FARS2: variants seen among roughly 807,000 people sequenced by gnomAD.
FARS2 encodes phenylalanyl-tRNA synthetase 2, mitochondrial, also known as phenylalanine--tRNA ligase, mitochondrial.
FARS2 carries 40 observed loss-of-function variants against 46.4 expected under a neutral mutation model. The ratio of observed to expected loss-of-function variants is 0.86; its 90% CI spans 0.67 to 1.12. FARS2 has a LOEUF of 1.12. Ranked by LOEUF, FARS2 falls within the 50% of genes most tolerant of loss-of-function variation. The pLI is 0.00. For missense variants in FARS2, 513 were observed against 567.9 expected (o/e 0.90, Z 0.98); for synonymous variants, 234 against 214.9 (o/e 1.09, Z -0.78).
chr6:5,346,142 G>A (rs1436605295), intron 1 of FARS2, among the ~76,000 whole-genome samples: 1 of 152,200 alleles, frequency 6.6e-6, no homozygotes, highest in East Asian at 1.9e-4. Context: ...CATCCGTAAA[G>A]TCAAGATATT....
chr6:5,316,994 A>C (rs1769565219), intron 1 of FARS2, among the ~76,000 whole-genome samples: 2 of 152,294 alleles, frequency 1.3e-5, no homozygotes, highest in African/African-American at 2.4e-5. Context: ...GGTACAGCCC[A>C]GTACCTAATC....
chr6:5,381,132 C>T (rs1351084220), intron 2 of FARS2, among the ~76,000 whole-genome samples: 1 of 151,784 alleles, frequency 6.6e-6, no homozygotes, highest in African/African-American at 2.4e-5. Context: ...TCCTGAGTAG[C>T]TGGACCTATA....
intron 5 of FARS2, among the ~76,000 whole-genome samples, chr6:5,557,466 T>G (rs1771728444): frequency 6.6e-6 from 1 of 152,162 alleles, no homozygotes; most frequent in African/African-American, 2.4e-5. Context: ...CAGACTTCCC[T>G]CACATCTCAT....
intron 5 of FARS2, among the ~76,000 whole-genome samples, chr6:5,550,377 A>C (rs1219689365): frequency 6.6e-6 from 1 of 152,122 alleles, no homozygotes; most frequent in Admixed American, 6.5e-5. Flanking sequence ...CCAGGCTTAC[A>C]TCTCAGCCTC....
At chr6:5,341,265 A>G (rs1581829017) in intron 1 of FARS2, among the ~76,000 whole-genome samples, 1 of 47,760 alleles carries the variant, frequency 2.1e-5, no homozygotes, top group Non-Finnish European at 4.4e-5. Flanking sequence ...TTTCCCTGTG[A>G]GAGCAGTTGT....
At chr6:5,562,806 CTTT>C (rs1275011133) in intron 5 of FARS2, among the ~76,000 whole-genome samples, 3 of 122,312 alleles carry the variant, frequency 2.5e-5, no homozygotes, top group Non-Finnish European at 1.8e-5. Flanking sequence ...TTTTCTTTTT[CTTT>C]TTTTTTTTTT....
At chr6:5,612,197 A>C (rs1026355665) in intron 5 of FARS2, among the ~76,000 whole-genome samples, 5 of 152,352 alleles carry the variant, frequency 3.3e-5, no homozygotes, top group Middle Eastern at 3.4e-3. Flanking sequence ...TTTATGTTTG[A>C]GCATTTAGTT....
chr6:5,720,635 G>A (rs551442410), intron 6 of FARS2, among the ~76,000 whole-genome samples: 1 of 152,066 alleles, frequency 6.6e-6, no homozygotes, highest in Non-Finnish European at 1.5e-5. Context: ...AATTTAAATA[G>A]CCTCAAGATC....
At position 5,613,267 on chromosome 6, in the gene FARS2, T is replaced by G; in HGVS notation, c.1164T>G (p.Ile388Met). Residue 388 changes from isoleucine (I) to methionine (M), a missense_variant, in exon 6 of 7, where the codon ATT becomes ATG. By Grantham distance (10) the Ile-to-Met change is conservative. Transcript: ENST00000274680. The part of the protein sequence containing the change: ...ENDFYDLVRT[I>M]GGDLVEKVDL... ...ATTTCTATGACTTAGTCCGAACAAT[T>G]GGAGGAGACCTGGTGGAAAAGGTTG... The G allele has an allele frequency of 6.2e-7, 1 of 1,613,672 alleles. No individual in the cohort carries two copies. Among genetic ancestry groups the G allele is most frequent in the Admixed American group, 1.7e-5 (1 of 59,984 alleles).
intron 6 of FARS2, among the ~76,000 whole-genome samples, chr6:5,719,587 C>T (rs927442917): frequency 3.9e-5 from 6 of 152,136 alleles, no homozygotes; most frequent in African/African-American, 1.4e-4. Flanking sequence ...GAGGGCACAA[C>T]TCAATGCCCT....
intron 6 of FARS2, among the ~76,000 whole-genome samples, chr6:5,646,364 C>T (rs1379168780): frequency 3.3e-5 from 5 of 152,260 alleles, no homozygotes; most frequent in African/African-American, 1.2e-4. Flanking sequence ...GTGTGACCTT[C>T]GACAGGTCAC....
At chr6:5,538,356 G>C (rs1399586149) in intron 4 of FARS2, among the ~76,000 whole-genome samples, 6 of 152,104 alleles carry the variant, frequency 3.9e-5, no homozygotes. Flanking sequence ...AAAATAAATA[G>C]TTGAGATAAT....
At chr6:5,691,108 T>A (rs1409113230) in intron 6 of FARS2, among the ~76,000 whole-genome samples, 1 of 152,142 alleles carries the variant, frequency 6.6e-6, no homozygotes. Context: ...TTTTCAAGGT[T>A]TTTAGCTTAT....
rs555993423 is a variant in FARS2 at position 5,676,978 on chromosome 6, T to A, written c.1217+63658T>A. ...ATTCCTGGAACAACCAGGAGATGGT[T>A]ATTATCATTGGAAACAATTATTTTT... On this transcript the variant is annotated intron_variant, in intron 6 of 6. Transcript: ENST00000274680. Among the ~76,000 whole-genome samples, 5 of 152,360 alleles carry A rather than the reference T, an allele frequency of 3.3e-5. No homozygotes were observed. In the South Asian group the frequency reaches 1.0e-3, roughly 32 times the overall value.
At chr6:5,518,643 T>A (rs1010518389) in intron 4 of FARS2, among the ~76,000 whole-genome samples, 20 of 152,342 alleles carry the variant, frequency 1.3e-4, no homozygotes, top group African/African-American at 4.8e-4. Flanking sequence ...AACCCATCAT[T>A]GATTCCATCA....
At chr6:5,717,204 A>T (rs138057410) in intron 6 of FARS2, among the ~76,000 whole-genome samples, 2 of 152,290 alleles carry the variant, frequency 1.3e-5, no homozygotes, top group East Asian at 3.9e-4. Context: ...AGGAGCAGGG[A>T]AAAAGAAGGT....
intron 6 of FARS2, among the ~76,000 whole-genome samples, chr6:5,731,745 C>T (rs753443046): frequency 2.0e-5 from 3 of 152,192 alleles, no homozygotes; most frequent in Non-Finnish European, 2.9e-5. Flanking sequence ...TGTCTGTCTT[C>T]TCCAACATCC....
chr6:5,552,112 A>G (rs1262064826), intron 5 of FARS2, among the ~76,000 whole-genome samples: 2 of 152,206 alleles, frequency 1.3e-5, no homozygotes, highest in Admixed American at 6.5e-5. Flanking sequence ...CAGATATAAT[A>G]GAGTGGTTTG....
At chr6:5,745,584 G>A (rs898848344) in intron 6 of FARS2, among the ~76,000 whole-genome samples, 1 of 152,138 alleles carries the variant, frequency 6.6e-6, no homozygotes, top group East Asian at 1.9e-4. Context: ...TGTCACCCAG[G>A]CTGGAGTGCC....
Sources: gnomAD v4.1 joint callset for allele counts (sites outside exome capture counted in the v4.1 genomes callset) on GRCh38, gnomAD v4.1.1 for gene constraint, MANE v1.5 for transcripts, NCBI Gene and HGNC (gene_info 2026-07-23, HGNC 2026-07-21) for gene names.